The following RUNDC3B variants were observed in gnomAD, a reference collection of about 807,000 sequenced individuals.
RUNDC3B encodes the protein RUN domain-containing protein 3B.
In RUNDC3B, 33 loss-of-function variants were observed where a neutral mutation model predicts 58.4. That is an observed-to-expected ratio of 0.56 (90% CI 0.43 to 0.75). The LOEUF (loss-of-function observed/expected upper bound fraction) is 0.75, where lower values mean the gene tolerates loss of function less well. RUNDC3B is among the 30% of genes least tolerant of loss of function. The pLI, the probability that RUNDC3B is intolerant of heterozygous loss-of-function variation, is 0.00. For missense variants in RUNDC3B, 501 were observed against 535.7 expected (o/e 0.94, Z 0.64); for synonymous variants, 193 against 195.2 (o/e 0.99, Z 0.10).
chr7:87,725,845 T>G (rs1455355570), intron 4 of RUNDC3B, among the ~76,000 whole-genome samples: 1 of 152,230 alleles, frequency 6.6e-6, no homozygotes, highest in Non-Finnish European at 1.5e-5. Context: ...TGGCCAGTGA[T>G]GATGAGCATT....
chr7:87,696,338 A>G (rs907815972), intron 2 of RUNDC3B, among the ~76,000 whole-genome samples: 1 of 152,162 alleles, frequency 6.6e-6, no homozygotes, highest in South Asian at 2.1e-4. Flanking sequence ...TTTTAAAGGC[A>G]TGAGTAGCTT....
intron 4 of RUNDC3B, among the ~76,000 whole-genome samples, chr7:87,713,990 TGAAG>T (rs1830320195): frequency 6.6e-6 from 1 of 152,162 alleles, no homozygotes; most frequent in Non-Finnish European, 1.5e-5. Flanking sequence ...TAGCACAAAT[TGAAG>T]GAAGGAGTAA....
At chr7:87,770,808 G>T (rs1188289453) in intron 7 of RUNDC3B, 59 bp downstream of exon 7, 8 of 1,159,298 alleles carry the variant, frequency 6.9e-6, no homozygotes, top group Non-Finnish European at 9.9e-6. Context: ...TTTGAACTGT[G>T]ACTGCCAAAA....
At chr7:87,657,146 G>A (rs1824188563) in intron 2 of RUNDC3B, among the ~76,000 whole-genome samples, 1 of 152,138 alleles carries the variant, frequency 6.6e-6, no homozygotes, top group Non-Finnish European at 1.5e-5. Flanking sequence ...GTAGCGAGTA[G>A]AAGAAAGACT....
At chr7:87,720,002 A>AAGAAAG (rs561777696) in intron 4 of RUNDC3B, among the ~76,000 whole-genome samples, 13,197 of 150,036 alleles carry the variant, frequency 0.088, 681 homozygotes, top group African/African-American at 0.14. Context: ...AAAAAAAAAA[A>AAGAAAG]AAAAGAGAAA....
intron 2 of RUNDC3B, chr7:87,693,930 G>T: frequency 6.2e-7 from 1 of 1,610,192 alleles, no homozygotes. Context: ...GTTGCAGATG[G>T]CTGGCTCATC....
chr7:87,788,716 TTTTTC>T (rs1193623532), intron 8 of RUNDC3B, among the ~76,000 whole-genome samples: 37 of 151,466 alleles, frequency 2.4e-4, no homozygotes, highest in African/African-American at 7.5e-4. Flanking sequence ...TTTTTTTTTT[TTTTTC>T]TTTTCTTTTT....
At chr7:87,750,834 G>A (rs1239901513) in intron 6 of RUNDC3B, among the ~76,000 whole-genome samples, 2 of 151,112 alleles carry the variant, frequency 1.3e-5, no homozygotes, top group Non-Finnish European at 3.0e-5. Flanking sequence ...TAGGTTGCCT[G>A]TTCACTCTGA....
chr7:87,713,748 T>C (rs2130754066), intron 4 of RUNDC3B, among the ~76,000 whole-genome samples: 1 of 152,238 alleles, frequency 6.6e-6, no homozygotes, highest in South Asian at 2.1e-4. Context: ...TTCAAATTTT[T>C]AATTTCTCTT....
intron 10 of RUNDC3B, among the ~76,000 whole-genome samples, chr7:87,818,231 T>C (rs1401493229): frequency 1.3e-5 from 2 of 152,176 alleles, no homozygotes; most frequent in Non-Finnish European, 2.9e-5. Context: ...AGAGTAATAA[T>C]GAGCATTTTG....
intron 3 of RUNDC3B, among the ~76,000 whole-genome samples, chr7:87,708,960 C>G (rs1022761282): frequency 2.0e-5 from 3 of 152,100 alleles, no homozygotes; most frequent in African/African-American, 7.2e-5. Context: ...TTATGGATCA[C>G]CCTTATCAAC....
rs536199969 is a variant in RUNDC3B, at chr7:87,658,131, G to T, written c.238+7194G>T. Among the ~76,000 whole-genome samples the T allele has an allele frequency of 3.3e-5, 5 of 152,236 alleles. No homozygotes were observed. The East Asian group carries it at 9.6e-4, about 29-fold the overall frequency. ...CTGACAAAGATTTTAAAGCATCCAT[G>T]ATTAAAATGCTTTGAGCAATACATG... On this transcript the variant is annotated intron_variant, in intron 2 of 10. Coordinates refer to ENST00000394654, the MANE Select transcript of RUNDC3B (RefSeq NM_001134405.2).
At chr7:87,670,816 C>T (rs1563120023) in intron 2 of RUNDC3B, among the ~76,000 whole-genome samples, 2 of 152,152 alleles carry the variant, frequency 1.3e-5, no homozygotes, top group African/African-American at 4.8e-5. Context: ...AGTTGGTAGA[C>T]TTGTTTGGTT....
intron 1 of RUNDC3B, among the ~76,000 whole-genome samples, chr7:87,644,325 A>G (rs1370993560): frequency 1.3e-5 from 2 of 152,236 alleles, no homozygotes; most frequent in Non-Finnish European, 2.9e-5. Context: ...CTTGGAAGCC[A>G]TCTCCTTGTT....
Position 87,831,138 on chromosome 7 carries a change from C to T in RUNDC3B, c.*1108C>T, listed in dbSNP as rs1208698681. 5 of 148,950 alleles carry T rather than the reference C, an allele frequency of 3.4e-5. No individual in the cohort carries two copies. Among genetic ancestry groups the T allele is most frequent in the African/African-American group, 7.4e-5 (3 of 40,474 alleles). 9.2% of individuals were successfully genotyped at this position (148,950 alleles called of 1,614,324 possible). The stretch of plus-strand genomic sequence containing the variant: ...TTTTTTGCAATTTTTGAAACAGCTA[C>T]ATTAATCCCTAAAAATCCCACCATA... On this transcript the variant is annotated 3_prime_UTR_variant, in exon 11 of 11. Transcript: ENST00000394654.
At chr7:87,664,201 C>A (rs888593157) in intron 2 of RUNDC3B, among the ~76,000 whole-genome samples, 1 of 152,086 alleles carries the variant, frequency 6.6e-6, no homozygotes. Context: ...TGGCACACTT[C>A]TGTAGTCCAA....
rs199533628 is a variant in RUNDC3B at position 87,794,625 on chromosome 7, C to CA, written c.957-12734dup. On this transcript the variant is annotated intron_variant, in intron 8 of 10. Coordinates refer to ENST00000394654, the MANE Select transcript of RUNDC3B (RefSeq NM_001134405.2). ...ATACCAATGAGAGTCTTTATAGAAA[C>CA]AAAAAAAAAAAAAACCTAACATTTT... Among the ~76,000 whole-genome samples the CA allele has an allele frequency of 6.9e-3, 843 of 122,426 alleles. 3 individuals carry two copies. The highest frequency in any genetic ancestry group is 0.014 in the African/African-American group (494 of 35,234). The allele number at this position is 122,426 out of a possible 152,430, so 80.3% of individuals were successfully genotyped here.
At chr7:87,781,742 C>T (rs1834935317) in intron 8 of RUNDC3B, among the ~76,000 whole-genome samples, 1 of 151,978 alleles carries the variant, frequency 6.6e-6, no homozygotes, top group Non-Finnish European at 1.5e-5. Context: ...TTGATATGAT[C>T]ATACGGTTTT....
intron 8 of RUNDC3B, among the ~76,000 whole-genome samples, chr7:87,803,356 A>T (rs1243793888): frequency 6.6e-6 from 1 of 152,224 alleles, no homozygotes; most frequent in Non-Finnish European, 1.5e-5. Flanking sequence ...TTGAATTTAC[A>T]TATATCCATC....
Sources: allele counts gnomAD v4.1 joint callset (sites outside exome capture counted in the v4.1 genomes callset), GRCh38; gene constraint gnomAD v4.1.1; transcripts MANE v1.5; gene names NCBI Gene and HGNC (gene_info 2026-07-23, HGNC 2026-07-21).